The following SMURF1 variants were observed in gnomAD, a reference collection of about 807,000 sequenced individuals.
The protein encoded by SMURF1 is SMAD specific E3 ubiquitin protein ligase 1.
Under a neutral mutation model 98.0 loss-of-function variants are expected in SMURF1, and 44 were observed. That is an observed-to-expected ratio of 0.45 (90% confidence interval 0.35 to 0.58). SMURF1 has a LOEUF of 0.58. Among genes scored for constraint, SMURF1 ranks in the 20% least tolerant of loss-of-function variants. The pLI is 0.00. For synonymous variants in SMURF1, 396 were observed against 374.9 expected (o/e 1.06, Z -0.65); for missense variants, 687 against 938.4 (o/e 0.73, Z 3.50).
chr7:99,054,729 A>G, intron 6 of SMURF1, 61 bp downstream of exon 6: 1 of 1,472,478 alleles, frequency 6.8e-7, no homozygotes, highest in Non-Finnish European at 9.5e-7. Flanking sequence ...GCGCTTTCCT[A>G]TAGGCCGAGA....
At position 99,029,502 on chromosome 7, in the gene SMURF1, T is replaced by G. The variant is rs1794808937; in HGVS notation, c.*1082A>C. ...ACATGAGGCAGTGAGTGTGAAGTCG[T>G]CCCCCTCTGCTGTCACAGGTTTGCG... On this transcript the variant is annotated 3_prime_UTR_variant, in exon 18 of 18. Coordinates refer to ENST00000361368, the MANE Select transcript of SMURF1 (RefSeq NM_181349.3). 6.6e-6 allele frequency: 1 copy of G among 152,150 alleles called. No individual in the cohort carries two copies. The highest frequency in any genetic ancestry group is 6.6e-5 in the Admixed American group (1 of 15,264). The allele number at this position is 152,150 out of a possible 1,614,324, so 9.4% of individuals were successfully genotyped here.
intron 11 of SMURF1, among the ~76,000 whole-genome samples, chr7:99,042,798 C>T (rs529916800): frequency 2.1e-4 from 32 of 152,270 alleles, no homozygotes; most frequent in Admixed American, 1.1e-3. Context: ...TTCAACGGAT[C>T]GCATTAAGAT....
Position 99,052,459 on chromosome 7 carries a change from A to G in SMURF1, c.480-13T>C, listed in dbSNP as rs1795781956. On this transcript the variant is annotated splice_polypyrimidine_tract_variant and intron_variant, in intron 6 of 17. Coordinates refer to ENST00000361368, the MANE Select transcript of SMURF1 (RefSeq NM_181349.3). ...TTCATACACCGTTCTGAAAGGGACG[A>G]GAGCAGGCAGGCATGGTGTCACCAT... The G allele has an allele frequency of 6.6e-7, 1 of 1,516,356 alleles. No homozygotes were observed. 93.9% of individuals were successfully genotyped at this position (1,516,356 alleles called of 1,614,324 possible). A position where few individuals can be genotyped will look rare whatever the true frequency, so the allele number is the denominator to read the frequency against.
intron 7 of SMURF1, 123 bp from the exon 8 acceptor site, chr7:99,051,564 GTTC>G (rs1263842561): frequency 2.6e-6 from 2 of 764,182 alleles, no homozygotes; most frequent in Non-Finnish European, 2.3e-6. Flanking sequence ...TCTTATCCCA[GTTC>G]TTCTCTCTGA....
intron 1 of SMURF1, among the ~76,000 whole-genome samples, chr7:99,065,634 A>G (rs1416546254): frequency 6.6e-6 from 1 of 152,184 alleles, no homozygotes; most frequent in Non-Finnish European, 1.5e-5. Context: ...AGCTTGGAAT[A>G]TCTCAACAGC....
At chr7:99,082,441 T>G (rs921215560) in intron 1 of SMURF1, among the ~76,000 whole-genome samples, 4 of 152,224 alleles carry the variant, frequency 2.6e-5, no homozygotes, top group Non-Finnish European at 5.9e-5. Flanking sequence ...GTATATCCAC[T>G]TGTTCCAGGA....
intron 1 of SMURF1, among the ~76,000 whole-genome samples, chr7:99,123,984 G>C (rs1797696205): frequency 6.6e-6 from 1 of 152,184 alleles, no homozygotes; most frequent in South Asian, 2.1e-4. Flanking sequence ...TCTTGTCTGA[G>C]GCTTAAAGAT....
intron 1 of SMURF1, among the ~76,000 whole-genome samples, chr7:99,131,700 G>T (rs547155167): frequency 6.6e-6 from 1 of 152,240 alleles, no homozygotes; most frequent in East Asian, 1.9e-4. Context: ...CTGGGCGACA[G>T]AACAAGATCC....
At chr7:99,074,656 C>A (rs1796409670) in intron 1 of SMURF1, among the ~76,000 whole-genome samples, 1 of 151,750 alleles carries the variant, frequency 6.6e-6, no homozygotes, top group Non-Finnish European at 1.5e-5. Flanking sequence ...TATTAACAAC[C>A]CATATGACCA....
intron 1 of SMURF1, among the ~76,000 whole-genome samples, chr7:99,135,117 G>A (rs11975279): frequency 0.084 from 12,833 of 151,984 alleles, 845 homozygotes; most frequent in East Asian, 0.18. Context: ...AAATACATTC[G>A]GCACAATCAT....
At chr7:99,109,545 CTG>C (rs1402307200) in intron 1 of SMURF1, among the ~76,000 whole-genome samples, 1 of 152,244 alleles carries the variant, frequency 6.6e-6, no homozygotes, top group Non-Finnish European at 1.5e-5. Context: ...AGCTCCAAAA[CTG>C]TGGTAACACC....
At chr7:99,102,890 G>A (rs975732907) in intron 1 of SMURF1, among the ~76,000 whole-genome samples, 7 of 152,056 alleles carry the variant, frequency 4.6e-5, no homozygotes, top group South Asian at 2.1e-4. Flanking sequence ...ACAGCAGTGC[G>A]TCTCCAGGGC....
At chr7:99,122,397 A>C (rs1414505750) in intron 1 of SMURF1, among the ~76,000 whole-genome samples, 1 of 151,650 alleles carries the variant, frequency 6.6e-6, no homozygotes, top group Non-Finnish European at 1.5e-5. Flanking sequence ...TAATCTCAGC[A>C]CTTTGGGAGG....
intron 2 of SMURF1, 28 bp downstream of exon 2, chr7:99,061,771 A>G: frequency 6.4e-7 from 1 of 1,568,664 alleles, no homozygotes; most frequent in African/African-American, 1.4e-5. Flanking sequence ...TAACATTATA[A>G]GAGGGAAAAA....
chr7:99,099,772 C>T (rs565706986), intron 1 of SMURF1, among the ~76,000 whole-genome samples: 2 of 152,246 alleles, frequency 1.3e-5, no homozygotes, highest in East Asian at 3.9e-4. Context: ...CTTGGTTTCT[C>T]TCTCTGGCCA....
chr7:99,100,663 T>C (rs909521700), intron 1 of SMURF1, among the ~76,000 whole-genome samples: 9 of 152,258 alleles, frequency 5.9e-5, no homozygotes, highest in African/African-American at 1.2e-4. Context: ...AGCAGATTTA[T>C]TTGAATAAAT....
chr7:99,041,005 G>T (rs1000529185), intron 12 of SMURF1, among the ~76,000 whole-genome samples: 3 of 152,074 alleles, frequency 2.0e-5, no homozygotes, highest in African/African-American at 7.2e-5. Context: ...CCACTCCCTC[G>T]ATCCAGAACG....
Position 99,047,666 on chromosome 7 carries a change from T to C in SMURF1, c.1152+18A>G, listed in dbSNP as rs1795626595. The C allele has an allele frequency of 6.2e-7, 1 of 1,613,424 alleles. No individual in the cohort carries two copies. The highest frequency in any genetic ancestry group is 1.3e-5 in the African/African-American group (1 of 74,944). ...TTGTTTCTGAACAGGGTCTGGGCAG[T>C]GGCCCTGAACTCTCTACCTCAAAGA... is the stretch of plus-strand genomic sequence containing the variant. On this transcript the variant is annotated intron_variant, in intron 10 of 17. Coordinates refer to ENST00000361368, the MANE Select transcript of SMURF1 (RefSeq NM_181349.3).
At position 99,058,866 on chromosome 7, in the gene SMURF1, C is replaced by T. The variant is rs1795949433; in HGVS notation, c.204-1315G>A. Among the ~76,000 whole-genome samples, 3 of 151,870 alleles carry T rather than the reference C, an allele frequency of 2.0e-5. No individual in the cohort carries two copies. The South Asian group carries it at 6.2e-4, about 32-fold the overall frequency. On this transcript the variant is annotated intron_variant, in intron 3 of 17. Coordinates refer to ENST00000361368, the MANE Select transcript of SMURF1 (RefSeq NM_181349.3). ...CACTTCAGGAGGCCAAGGTGGATCA[C>T]CTGAGGTCAGAAGGTCAAGACCAGC...
Sources: allele counts gnomAD v4.1 joint callset (sites outside exome capture counted in the v4.1 genomes callset), GRCh38; gene constraint gnomAD v4.1.1; transcripts MANE v1.5; gene names NCBI Gene and HGNC (gene_info 2026-07-23, HGNC 2026-07-21).